The following TJP2 variants were observed in gnomAD, a reference collection of about 807,000 sequenced individuals.
The protein encoded by TJP2 is tight junction protein 2.
In TJP2, 91 loss-of-function variants were observed where a neutral mutation model predicts 133.1. That is an observed-to-expected ratio of 0.68 (90% CI 0.58 to 0.81). The LOEUF is 0.81. Ranked by LOEUF, TJP2 falls within the 40% of genes least tolerant of loss-of-function variation. TJP2 has a pLI of 0.00. For synonymous variants in TJP2, 592 were observed against 583.4 expected (o/e 1.01, Z -0.21); for missense variants, 1,541 against 1,565.6 (o/e 0.98, Z 0.26).
intron 1 of TJP2, among the ~76,000 whole-genome samples, chr9:69,129,616 A>G (rs1242149185): frequency 6.6e-6 from 1 of 152,210 alleles, no homozygotes; most frequent in East Asian, 1.9e-4. Flanking sequence ...GGTACTCTTT[A>G]TTTTATTCTC....
At chr9:69,132,620 T>C (rs530337819) in intron 1 of TJP2, among the ~76,000 whole-genome samples, 1 of 152,206 alleles carries the variant, frequency 6.6e-6, no homozygotes, top group Non-Finnish European at 1.5e-5. Flanking sequence ...CATTTATTCA[T>C]TCTTAACAGG....
Position 69,225,319 on chromosome 9 carries a change from T to G in TJP2, c.968T>G (p.Leu323Arg). 1.2e-6 allele frequency: 2 copies of G among 1,613,316 alleles called. No individual in the cohort carries two copies. Among genetic ancestry groups the G allele is most frequent in the Non-Finnish European group, 1.7e-6 (2 of 1,179,342 alleles). ...TGTCTCCTAGAGTATGGTCTCCGGC[T>G]TGGGAGTCAGATCTTCGTAAAGGAA... ...SRANEEYGLR[L>R]GSQIFVKEMT... The change falls in exon 6 of 23, where the codon CTT becomes CGT. Residue 323 changes from leucine to arginine, a missense_variant. Transcript: ENST00000377245.
At chr9:69,203,607 A>ATTTTTTTTTTTTTTTTTTT (rs754221310) in intron 1 of TJP2, among the ~76,000 whole-genome samples, 1 of 67,860 alleles carries the variant, frequency 1.5e-5, no homozygotes. Context: ...CCCAGCCTGG[A>ATTTTTTTTTTTTTTTTTTT]TTTTTTTTTT....
chr9:69,193,346 T>C (rs1218089480), intron 1 of TJP2, among the ~76,000 whole-genome samples: 1 of 152,044 alleles, frequency 6.6e-6, no homozygotes, highest in Non-Finnish European at 1.5e-5. Context: ...ATAATACATC[T>C]GTTACCAGGC....
At chr9:69,210,761 T>C (rs1185197081) in intron 1 of TJP2, among the ~76,000 whole-genome samples, 5 of 102,364 alleles carry the variant, frequency 4.9e-5, no homozygotes, top group Admixed American at 1.0e-4. Context: ...TTTTTTTTTT[T>C]TTCTTATTAA....
upstream of TJP2, among the ~76,000 whole-genome samples, chr9:69,169,890 G>A (rs544350839): frequency 6.6e-6 from 1 of 152,246 alleles, no homozygotes; most frequent in East Asian, 1.9e-4. Context: ...CACCTAGGCT[G>A]CAGTATAGTG....
chr9:69,248,499 G>T lies in TJP2; in HGVS notation c.2880+275G>T, dbSNP rs908389977. 4.6e-6 allele frequency: 6 copies of T among 1,305,958 alleles called. No homozygotes were observed. The Admixed American group carries it at 1.0e-4, about 23-fold the overall frequency. The allele number at this position is 1,305,958 out of a possible 1,614,324, so 80.9% of individuals were successfully genotyped here. On this transcript the variant is annotated intron_variant, in intron 19 of 22. Coordinates refer to ENST00000377245, the MANE Select transcript of TJP2 (RefSeq NM_004817.4). Reference sequence around the variant, plus strand: ...GATAAACAGAATGGCTTTAGGTGCCGTCTGTCCAAATTACCAGCGGAACCT... The same window carrying T: ...GATAAACAGAATGGCTTTAGGTGCCTTCTGTCCAAATTACCAGCGGAACCT...
intron 14 of TJP2, 77 bp from the exon 15 acceptor site, chr9:69,237,801 C>A: frequency 9.8e-7 from 1 of 1,016,782 alleles, no homozygotes; most frequent in Non-Finnish European, 1.6e-6. Flanking sequence ...TTATCAAAAG[C>A]CCATACAATA....
chr9:69,155,641 A>C (rs1272573596), intron 2 of TJP2, among the ~76,000 whole-genome samples: 1 of 152,366 alleles, frequency 6.6e-6, no homozygotes, highest in South Asian at 2.1e-4. Context: ...CAGTTTCTCT[A>C]TCTGTGGGGA....
At chr9:69,156,446 T>C (rs186347393) in intron 2 of TJP2, among the ~76,000 whole-genome samples, 2 of 152,036 alleles carry the variant, frequency 1.3e-5, no homozygotes, top group Non-Finnish European at 2.9e-5. Flanking sequence ...CCTAACGACA[T>C]GTGCCCAGGG....
At position 69,203,607 on chromosome 9, in the gene TJP2, A is replaced by ATTTTTTTTTTTTTT. The variant is rs754221310; in HGVS notation, c.61-8930_61-8917dup. On this transcript the variant is annotated intron_variant, in intron 1 of 22. Coordinates refer to ENST00000377245, the MANE Select transcript of TJP2 (RefSeq NM_004817.4). ...GCATGAGCCACGGTGCCCAGCCTGG[A>ATTTTTTTTTTTTTT]TTTTTTTTTTTTTTTTTTTTTTTTG... 2.2e-4 allele frequency among the ~76,000 whole-genome samples: 15 copies of ATTTTTTTTTTTTTT among 67,842 alleles called. 3 individuals carry two copies. Among genetic ancestry groups the ATTTTTTTTTTTTTT allele is most frequent in the Non-Finnish European group, 2.5e-4 (10 of 39,808 alleles). 44.5% of individuals were successfully genotyped at this position (67,842 alleles called of 152,430 possible).
At chr9:69,179,465 G>T (rs7469887) in intron 1 of TJP2, among the ~76,000 whole-genome samples, 4 of 151,502 alleles carry the variant, frequency 2.6e-5, no homozygotes, top group African/African-American at 9.7e-5. Context: ...TGGGGGTGCA[G>T]TAACAGCGGT....
At chr9:69,174,928 T>C (rs74810685) in intron 1 of TJP2, among the ~76,000 whole-genome samples, 23 of 114,884 alleles carry the variant, frequency 2.0e-4, no homozygotes, top group African/African-American at 6.5e-4. Flanking sequence ...TTTTTTTTTT[T>C]CCAGTAGGGA....
intron 21 of TJP2, among the ~76,000 whole-genome samples, chr9:69,251,826 G>T (rs4617219): frequency 2.6e-5 from 4 of 152,262 alleles, no homozygotes; most frequent in East Asian, 3.9e-4. Flanking sequence ...AAACAAAGAA[G>T]AATTTAACTA....
intron 21 of TJP2, among the ~76,000 whole-genome samples, chr9:69,252,086 TC>T (rs1831378630): frequency 6.6e-6 from 1 of 152,086 alleles, no homozygotes; most frequent in Non-Finnish European, 1.5e-5. Context: ...CCTCCACCTC[TC>T]AGGCTCAGGA....
rs1220152057 is a variant in TJP2, at chr9:69,190,042, G to A, written c.60+15610G>A. Among the ~76,000 whole-genome samples the A allele has an allele frequency of 4.3e-5, 2 of 46,182 alleles. 1 individual carries two copies. Among genetic ancestry groups the A allele is most frequent in the Non-Finnish European group, 1.1e-4 (2 of 18,302 alleles). The allele number at this position is 46,182 out of a possible 152,430, so 30.3% of individuals were successfully genotyped here. On this transcript the variant is annotated intron_variant, in intron 1 of 22. Transcript: ENST00000377245. ...GGAGAATGGCATGAACCTGGGAGGT[G>A]GAGTTTGCAGTGAGCCAAGATGGCG...
intron 4 of TJP2, among the ~76,000 whole-genome samples, chr9:69,220,024 G>A (rs1278328957): frequency 6.6e-6 from 1 of 152,126 alleles, no homozygotes; most frequent in East Asian, 1.9e-4. Flanking sequence ...GGTGGTGTGC[G>A]CCTGTAATCC....
intron 1 of TJP2, among the ~76,000 whole-genome samples, chr9:69,127,589 G>A (rs7027144): frequency 0.72 from 51,044 of 71,382 alleles, 24,187 homozygotes; most frequent in East Asian, 1. Flanking sequence ...TGCCCCCTCA[G>A]AGAACATTTT....
chr9:69,130,156 C>T lies in TJP2; in HGVS notation c.-131+8431C>T, dbSNP rs536988781. On this transcript the variant is annotated intron_variant, in intron 1 of 5. Coordinates refer to the TJP2 transcript ENST00000423935. ...CGGCAGTGTTTTTCCTTTGTAGCCA[C>T]AGAGAATTTTCTTCATTCTCTACAG... Among the ~76,000 whole-genome samples the T allele has an allele frequency of 3.0e-3, 450 of 152,234 alleles. 2 individuals are homozygous for T. The highest frequency in any genetic ancestry group is 6.8e-3 in the Middle Eastern group (2 of 294).
Sources: allele counts gnomAD v4.1 joint callset (sites outside exome capture counted in the v4.1 genomes callset), GRCh38; gene constraint gnomAD v4.1.1; transcripts MANE v1.5; gene names NCBI Gene and HGNC (gene_info 2026-07-23, HGNC 2026-07-21).